Variants in SLC35H1 observed in about 807,000 individuals in gnomAD.
SLC35H1 encodes the protein solute carrier family 35 member H1, also known as ovarian cancer-overexpressed gene 1 protein.
At chr20:46,352,026 A>T in the SLC35H1 span, 183 of 1,612,132 alleles carry the variant, frequency 1.1e-4, 1 homozygote, top group African/African-American at 2.1e-3. Context: ...CTAAGACAGG[A>T]CTGGCATCAC....
chr20:46,351,158 G>T, the SLC35H1 span, among the ~76,000 whole-genome samples: 3 of 152,238 alleles, frequency 2.0e-5, no homozygotes, highest in South Asian at 6.2e-4. Flanking sequence ...CCAGGCTGGG[G>T]ACCAGGGTGT....
chr20:46,356,563 C>G, the SLC35H1 span: 1 of 1,613,942 alleles, frequency 6.2e-7, no homozygotes, highest in South Asian at 1.1e-5. Flanking sequence ...CAGGGCATGG[C>G]CAGTACTCAC....
chr20:46,357,282 G>A, the SLC35H1 span, among the ~76,000 whole-genome samples: 2 of 152,338 alleles, frequency 1.3e-5, no homozygotes, highest in East Asian at 1.9e-4. Context: ...CTCCATGTCC[G>A]TGTCACAGCC....
chr20:46,350,205 T>G, the SLC35H1 span: 6 of 554,482 alleles, frequency 1.1e-5, no homozygotes, highest in African/African-American at 1.9e-5. Context: ...GCTGGCCTGG[T>G]GCTCGCCCCT....
At chr20:46,352,589 GC>G in the SLC35H1 span, 8 of 207,630 alleles carry the variant, frequency 3.9e-5, no homozygotes, top group Admixed American at 2.1e-4. Context: ...TGGGATCCTA[GC>G]GGGATGATGA....
the SLC35H1 span, among the ~76,000 whole-genome samples, chr20:46,360,394 G>T: frequency 2.0e-5 from 3 of 152,108 alleles, no homozygotes; most frequent in African/African-American, 7.2e-5. Context: ...CTGTGTCTGT[G>T]GCCATCACAC....
chr20:46,350,800 T>G, the SLC35H1 span: 225 of 1,613,922 alleles, frequency 1.4e-4, no homozygotes, highest in Non-Finnish European at 1.9e-4. Flanking sequence ...TGGAGGGATA[T>G]TCCCGAGAGG....
chr20:46,355,970 CCAAA>C, the SLC35H1 span: 8 of 1,562,556 alleles, frequency 5.1e-6, no homozygotes, highest in East Asian at 2.3e-5. This position sits in a 1 kb window ranked among gnomAD's most constrained non-coding sequence, Gnocchi z 4.8. Flanking sequence ...AGCGAAATGA[CCAAA>C]CAGAGCTGGG....
At chr20:46,353,539 G>C in the SLC35H1 span, among the ~76,000 whole-genome samples, 1 of 152,218 alleles carries the variant, frequency 6.6e-6, no homozygotes, top group Non-Finnish European at 1.5e-5. Context: ...AATGCCGAGT[G>C]ACAGTCCCCC....
chr20:46,353,712 T>C, the SLC35H1 span, among the ~76,000 whole-genome samples: 3 of 152,162 alleles, frequency 2.0e-5, no homozygotes, highest in African/African-American at 4.8e-5. Flanking sequence ...GCTAAATCCA[T>C]GCAGCTTTGC....
At chr20:46,351,886 G>C in the SLC35H1 span, among the ~76,000 whole-genome samples, 1 of 152,224 alleles carries the variant, frequency 6.6e-6, no homozygotes, top group African/African-American at 2.4e-5. Flanking sequence ...AAGGCAGAAG[G>C]AGGGGCCAGC....
the SLC35H1 span, chr20:46,353,148 G>C: frequency 6.6e-6 from 1 of 152,190 alleles, no homozygotes; most frequent in African/African-American, 2.4e-5. Flanking sequence ...TGTGGGACTT[G>C]GGCTGAGATG....
At chr20:46,356,427 G>T in the SLC35H1 span, 1 of 751,452 alleles carries the variant, frequency 1.3e-6, no homozygotes, top group Non-Finnish European at 2.3e-6. Context: ...CCGGAGAGCT[G>T]CTGGGTGCCA....
the SLC35H1 span, chr20:46,358,601 A>G: frequency 6.3e-7 from 1 of 1,594,076 alleles, no homozygotes; most frequent in Non-Finnish European, 8.5e-7. Context: ...GTTAGACCAC[A>G]GCTTTCACCA....
the SLC35H1 span, chr20:46,352,656 C>T: frequency 6.7e-4 from 16 of 23,812 alleles, no homozygotes; most frequent in East Asian, 6.1e-3. Context: ...GGGATCCTAG[C>T]GGGATGACGA....
chr20:46,350,289 G>A, the SLC35H1 span: 55 of 1,417,312 alleles, frequency 3.9e-5, no homozygotes, highest in East Asian at 2.8e-4. Context: ...GGTGACTCCC[G>A]TCCACAGCTC....
the SLC35H1 span, chr20:46,355,519 C>A: frequency 1.6e-6 from 1 of 624,882 alleles, no homozygotes; most frequent in Non-Finnish European, 2.8e-6. The surrounding 1 kb of genome is among the most constrained non-coding windows in gnomAD (Gnocchi z 4.8). Flanking sequence ...CTGGGCCTAA[C>A]ACACAGGGCT....
At chr20:46,357,530 T>G in the SLC35H1 span, 1 of 1,447,958 alleles carries the variant, frequency 6.9e-7, no homozygotes, top group Non-Finnish European at 9.4e-7. Context: ...GGGAGGGACT[T>G]GGCTTCCAGA....
chr20:46,346,108 T>C, the SLC35H1 span: 1 of 152,192 alleles, frequency 6.6e-6, no homozygotes, highest in Non-Finnish European at 1.5e-5. Context: ...TCTGGTTCTA[T>C]GTTCTGTCCT....
Sources: allele counts gnomAD v4.1 joint callset (sites outside exome capture counted in the v4.1 genomes callset), GRCh38; gene constraint gnomAD v4.1.1; non-coding constraint Gnocchi (gnomAD v3.1); transcripts MANE v1.5; gene names NCBI Gene and HGNC (gene_info 2026-07-23, HGNC 2026-07-21).